Variants in PIP5K1A observed in about 807,000 individuals in gnomAD.
The protein encoded by PIP5K1A is phosphatidylinositol-4-phosphate 5-kinase type 1 alpha.
Under a neutral mutation model 72.9 loss-of-function variants are expected in PIP5K1A, and 46 were observed. The observed-to-expected ratio is 0.63, with a 90% CI of 0.50 to 0.81. The LOEUF (loss-of-function observed/expected upper bound fraction) is 0.81, where lower values mean the gene tolerates loss of function less well. PIP5K1A is among the 30% of genes least tolerant of loss of function. The pLI is 0.00. For missense variants in PIP5K1A, 458 were observed against 706.1 expected (o/e 0.65, Z 3.98); for synonymous variants, 228 against 255.1 (o/e 0.89, Z 1.01).
At chr1:151,246,065 G>A (rs944649195) in intron 14 of PIP5K1A, among the ~76,000 whole-genome samples, 12 of 152,078 alleles carry the variant, frequency 7.9e-5, no homozygotes, top group Admixed American at 2.6e-4. Context: ...TGGCCAACAT[G>A]ATGAAACCCC....
Position 151,240,717 on chromosome 1 carries a change from C to T in PIP5K1A, c.1363+678C>T, listed in dbSNP as rs587610183. Among the ~76,000 whole-genome samples the T allele has an allele frequency of 1.6e-4, 25 of 152,048 alleles. 1 individual carries two copies. Among genetic ancestry groups the T allele is most frequent in the Admixed American group, 4.6e-4 (7 of 15,268 alleles). ...CCAAGGCAGGAGGATCGGTTAAGCC[C>T]GATAGTTTGGAACCAGCCTGGGCAA... On this transcript the variant is annotated intron_variant, in intron 12 of 15. Transcript: ENST00000368888.
At chr1:151,219,415 G>A (rs944130377) in intron 1 of PIP5K1A, among the ~76,000 whole-genome samples, 2 of 149,426 alleles carry the variant, frequency 1.3e-5, no homozygotes, top group African/African-American at 2.5e-5. Flanking sequence ...GGGCTGGCCC[G>A]GTGGCTCATG....
chr1:151,206,270 A>G (rs1685915773), intron 1 of PIP5K1A, among the ~76,000 whole-genome samples: 1 of 152,152 alleles, frequency 6.6e-6, no homozygotes, highest in Non-Finnish European at 1.5e-5. Context: ...ACAAATATCT[A>G]ATTCCTGGAA....
intron 4 of PIP5K1A, among the ~76,000 whole-genome samples, chr1:151,230,152 G>C (rs1689833249): frequency 6.6e-6 from 1 of 152,182 alleles, no homozygotes; most frequent in Non-Finnish European, 1.5e-5. Flanking sequence ...AGAAATATAA[G>C]TAATGCCTGG....
chr1:151,215,086 A>G (rs1454395774), intron 1 of PIP5K1A, among the ~76,000 whole-genome samples: 1 of 143,140 alleles, frequency 7.0e-6, no homozygotes, highest in Non-Finnish European at 1.5e-5. Context: ...GCTGGAGTGC[A>G]ATGGCGCGAT....
At chr1:151,206,937 G>A (rs1384085023) in intron 1 of PIP5K1A, among the ~76,000 whole-genome samples, 3 of 151,980 alleles carry the variant, frequency 2.0e-5, no homozygotes, top group South Asian at 2.1e-4. Context: ...GACCTCAGGC[G>A]ACCCTCACTG....
In PIP5K1A at chr1:151,198,880, G is replaced by A. The variant is rs1239354670; in HGVS notation, c.-117G>A. ...CTGAGGGAGGCCCCGGAGGGGGCGG[G>A]GAGGTGGCCCACAGAACGCGGGTTC... On this transcript the variant is annotated 5_prime_UTR_variant, in exon 1 of 16. Transcript: ENST00000368888. 12 of 975,092 alleles carry A rather than the reference G, an allele frequency of 1.2e-5. No homozygotes were observed. The highest frequency in any genetic ancestry group is 1.4e-5 in the Non-Finnish European group (9 of 627,410). The allele number at this position is 975,092 out of a possible 1,614,324, so 60.4% of individuals were successfully genotyped here.
At chr1:151,197,379 T>C (rs1198099803), upstream of PIP5K1A, among the ~76,000 whole-genome samples, 2 of 151,096 alleles carry the variant, frequency 1.3e-5, no homozygotes, top group Non-Finnish European at 1.5e-5. Context: ...CCCAGGTTCA[T>C]GCCATTCTCC....
chr1:151,205,309 A>C (rs952675866), intron 1 of PIP5K1A, among the ~76,000 whole-genome samples: 1 of 152,036 alleles, frequency 6.6e-6, no homozygotes, highest in East Asian at 1.9e-4. Context: ...CTAGGTCACT[A>C]GGATCACAGG....
chr1:151,227,925 G>A (rs1689397780), intron 4 of PIP5K1A, among the ~76,000 whole-genome samples: 1 of 152,124 alleles, frequency 6.6e-6, no homozygotes, highest in African/African-American at 2.4e-5. Context: ...TCTGGCATTG[G>A]TTGCTATTTT....
chr1:151,247,905 C>T lies in PIP5K1A; in HGVS notation c.*40C>T. ...AAGACCTGGAACAAGATTCTGCCAT[C>T]TCTGTGATCCCAAGATGTCAGCCCT... On this transcript the variant is annotated 3_prime_UTR_variant, in exon 16 of 16. Coordinates refer to ENST00000368888, the MANE Select transcript of PIP5K1A (RefSeq NM_001135638.2). The T allele has an allele frequency of 6.3e-7, 1 of 1,588,616 alleles. No homozygotes were observed. Among genetic ancestry groups the T allele is most frequent in the Non-Finnish European group, 8.6e-7 (1 of 1,156,798 alleles).
intron 12 of PIP5K1A, among the ~76,000 whole-genome samples, chr1:151,240,709 G>A (rs1321525032): frequency 2.0e-5 from 3 of 151,904 alleles, no homozygotes; most frequent in African/African-American, 4.8e-5. Flanking sequence ...AGGAGGATCG[G>A]TTAAGCCCGA....
At chr1:151,226,381 G>A (rs1026773097) in intron 3 of PIP5K1A, among the ~76,000 whole-genome samples, 9 of 151,396 alleles carry the variant, frequency 5.9e-5, no homozygotes, top group African/African-American at 1.2e-4. Flanking sequence ...CACCGCACCC[G>A]GCCATCGCCG....
At chr1:151,241,275 G>A (rs4970945) in intron 12 of PIP5K1A, among the ~76,000 whole-genome samples, 175 of 152,266 alleles carry the variant, frequency 1.1e-3, no homozygotes, top group Non-Finnish European at 1.7e-3. Flanking sequence ...GCCGAGGAGG[G>A]CAGATCACAA....
Position 151,198,878 on chromosome 1 carries a change from G to A in PIP5K1A, c.-119G>A, listed in dbSNP as rs1684791750. 1 of 952,016 alleles carries A rather than the reference G, an allele frequency of 1.1e-6. No individual in the cohort carries two copies. Among genetic ancestry groups the A allele is most frequent in the Non-Finnish European group, 1.6e-6 (1 of 607,302 alleles). The allele number at this position is 952,016 out of a possible 1,614,324, so 59.0% of individuals were successfully genotyped here. ...GTCTGAGGGAGGCCCCGGAGGGGGC[G>A]GGGAGGTGGCCCACAGAACGCGGGT... On this transcript the variant is annotated 5_prime_UTR_variant, in exon 1 of 16. Transcript: ENST00000368888.
intron 1 of PIP5K1A, among the ~76,000 whole-genome samples, chr1:151,215,113 C>T (rs1050075907): frequency 1.1e-4 from 16 of 151,040 alleles, no homozygotes; most frequent in African/African-American, 3.4e-4. Flanking sequence ...TCACTGTATC[C>T]TCCGCCTCCC....
intron 1 of PIP5K1A, among the ~76,000 whole-genome samples, chr1:151,209,082 C>T (rs1686408115): frequency 6.7e-6 from 1 of 150,200 alleles, no homozygotes; most frequent in Non-Finnish European, 1.5e-5. Context: ...TTCAGCAGTA[C>T]TTCTCAGGAG....
intron 1 of PIP5K1A, among the ~76,000 whole-genome samples, chr1:151,222,583 C>G (rs1688530285): frequency 6.6e-6 from 1 of 152,126 alleles, no homozygotes; most frequent in South Asian, 2.1e-4. Context: ...AGCTTACTTT[C>G]TAGGTGGTAA....
chr1:151,216,449 G>A (rs1687632463), intron 1 of PIP5K1A, among the ~76,000 whole-genome samples: 2 of 151,820 alleles, frequency 1.3e-5, no homozygotes, highest in African/African-American at 2.4e-5. Context: ...TTTGACGCTG[G>A]CTCCCATATC....
Sources: allele counts gnomAD v4.1 joint callset (sites outside exome capture counted in the v4.1 genomes callset), GRCh38; gene constraint gnomAD v4.1.1; transcripts MANE v1.5; gene names NCBI Gene and HGNC (gene_info 2026-07-23, HGNC 2026-07-21).